The following UBQLN1 variants were observed in gnomAD, a reference collection of about 807,000 sequenced individuals.
UBQLN1 encodes the protein ubiquilin 1.
In UBQLN1, 13 loss-of-function variants were observed where a neutral mutation model predicts 65.4. The observed-to-expected ratio is 0.20, with a 90% CI of 0.13 to 0.32. The LOEUF (loss-of-function observed/expected upper bound fraction) is 0.32. UBQLN1 is among the 10% of genes least tolerant of loss of function. The pLI is 1.00. For missense variants in UBQLN1, 561 were observed against 724.0 expected (o/e 0.77, Z 2.58); for synonymous variants, 267 against 247.8 (o/e 1.08, Z -0.73).
At position 83,707,795 on chromosome 9, in the gene UBQLN1, C is replaced by A; in HGVS notation, c.-116G>T. The A allele has an allele frequency of 7.3e-7, 1 of 1,378,784 alleles. No individual in the cohort carries two copies. Among genetic ancestry groups the A allele is most frequent in the South Asian group, 1.5e-5 (1 of 65,902 alleles). The allele number at this position is 1,378,784 out of a possible 1,614,324, so 85.4% of individuals were successfully genotyped here. ...TGGACAGCGAAGAATGCAGAGCACG[C>A]CGCCTCAGTAGCAACGGGCGCAGGG... On this transcript the variant is annotated 5_prime_UTR_variant, in exon 1 of 11. Transcript: ENST00000376395.
Position 83,707,801 on chromosome 9 carries a change from C to T in UBQLN1, c.-122G>A. 1.5e-6 allele frequency: 2 copies of T among 1,357,464 alleles called. No individual in the cohort carries two copies. The highest frequency in any genetic ancestry group is 1.9e-6 in the Non-Finnish European group (2 of 1,045,302). 84.1% of individuals were successfully genotyped at this position (1,357,464 alleles called of 1,614,324 possible). ...GCGAAGAATGCAGAGCACGCCGCCT[C>T]AGTAGCAACGGGCGCAGGGCCACCG... is the stretch of plus-strand genomic sequence containing the variant. On this transcript the variant is annotated 5_prime_UTR_variant, in exon 1 of 11. Transcript: ENST00000376395.
At chr9:83,698,765 T>G (rs1463101570) in intron 1 of UBQLN1, among the ~76,000 whole-genome samples, 1 of 151,972 alleles carries the variant, frequency 6.6e-6, no homozygotes, top group Non-Finnish European at 1.5e-5. Flanking sequence ...AAATACAAAG[T>G]AGCCAAGCAT....
intron 6 of UBQLN1, among the ~76,000 whole-genome samples, chr9:83,672,515 G>C (rs545407120): frequency 2.0e-5 from 3 of 152,294 alleles, no homozygotes; most frequent in African/African-American, 7.2e-5. Context: ...GGAGACCCAA[G>C]AAGAGGAAGA....
chr9:83,666,639 C>G, intron 7 of UBQLN1: 1 of 460,990 alleles, frequency 2.2e-6, no homozygotes, highest in South Asian at 4.4e-5. Flanking sequence ...CATATTCTCT[C>G]TCAATGAGAA....
At chr9:83,692,409 T>G (rs1832143293) in intron 1 of UBQLN1, among the ~76,000 whole-genome samples, 5 of 152,212 alleles carry the variant, frequency 3.3e-5, no homozygotes. Flanking sequence ...TAATCTACAC[T>G]TTTATCATAC....
intron 7 of UBQLN1, 144 bp from the exon 8 acceptor site, chr9:83,666,577 A>G (rs1307826348): frequency 2.8e-6 from 2 of 702,560 alleles, no homozygotes; most frequent in Admixed American, 2.8e-5. Flanking sequence ...GGAAAAGGGA[A>G]GATACTGTCC....
chr9:83,703,620 T>TG (rs1380771169), intron 1 of UBQLN1, among the ~76,000 whole-genome samples: 6 of 152,194 alleles, frequency 3.9e-5, no homozygotes, highest in African/African-American at 1.2e-4. Context: ...TCTCTATTAA[T>TG]GACAGCACCT....
intron 1 of UBQLN1, among the ~76,000 whole-genome samples, chr9:83,688,509 A>T (rs1400328703): frequency 6.6e-6 from 1 of 152,152 alleles, no homozygotes; most frequent in Non-Finnish European, 1.5e-5. Context: ...TTAATTACTG[A>T]ACATACAGTT....
rs140299371 is a variant in UBQLN1 at position 83,671,598 on chromosome 9, G to A, written c.1106-2271C>T. On this transcript the variant is annotated intron_variant, in intron 6 of 10. Coordinates refer to ENST00000376395, the MANE Select transcript of UBQLN1 (RefSeq NM_013438.5). ...TGAAAGGAATCTTTTCCTTAGCAAC[G>A]TCTCACCAGTAGACTTAAAATATTA... Among the ~76,000 whole-genome samples, 26 of 152,206 alleles carry A rather than the reference G, an allele frequency of 1.7e-4. 1 individual carries two copies. The highest frequency in any genetic ancestry group is 1.2e-3 in the Admixed American group (18 of 15,296).
intron 6 of UBQLN1, among the ~76,000 whole-genome samples, chr9:83,672,755 G>A (rs900304282): frequency 6.6e-6 from 1 of 152,170 alleles, no homozygotes; most frequent in Non-Finnish European, 1.5e-5. Flanking sequence ...TTGGAAAAAT[G>A]GTACTAACAG....
At chr9:83,692,589 A>C (rs1832146429) in intron 1 of UBQLN1, among the ~76,000 whole-genome samples, 1 of 152,220 alleles carries the variant, frequency 6.6e-6, no homozygotes, top group African/African-American at 2.4e-5. Flanking sequence ...GCAGTGGCTC[A>C]CATCTGTAAT....
At chr9:83,680,068 T>A in intron 3 of UBQLN1, 31 bp from the exon 4 acceptor site, 1 of 1,564,966 alleles carries the variant, frequency 6.4e-7, no homozygotes, top group Non-Finnish European at 8.7e-7. Context: ...AACATACAAA[T>A]CAAAGTCAGA....
In UBQLN1 at chr9:83,660,585, A is replaced by G. The variant is rs1831547292; in HGVS notation, c.*1202T>C. ...CTGAATGATACTTCTTTACTACACT[A>G]TATGCACAGAAATCCTAACAGAATC... On this transcript the variant is annotated 3_prime_UTR_variant, in exon 11 of 11. Coordinates refer to ENST00000376395, the MANE Select transcript of UBQLN1 (RefSeq NM_013438.5). The G allele has an allele frequency of 6.6e-6, 1 of 152,282 alleles. No individual in the cohort carries two copies. Among genetic ancestry groups the G allele is most frequent in the South Asian group, 2.1e-4 (1 of 4,822 alleles). The allele number at this position is 152,282 out of a possible 1,614,324, so 9.4% of individuals were successfully genotyped here.
chr9:83,705,395 G>A (rs1160984784), intron 1 of UBQLN1, among the ~76,000 whole-genome samples: 2 of 152,134 alleles, frequency 1.3e-5, no homozygotes, highest in Non-Finnish European at 2.9e-5. Flanking sequence ...GATTACAGGT[G>A]CCTGCCACCA....
rs1413628778 is a variant in UBQLN1 at position 83,682,983 on chromosome 9, G to C, written c.416C>G (p.Ser139Cys). ...AAAAGGGTTGCTAGTAGCAGAACCA[G>C]ATGTAGAGTTACTATTAGGAGTTGA... ...TSSTPNSNST[S>C]GSATSNPFGL... is the part of the protein sequence containing the mutation. Residue 139 changes from serine to cysteine, a missense_variant, in exon 3 of 11, where the codon TCT becomes TGT. Ser to Cys is a moderately radical substitution (Grantham distance 112). Coordinates refer to ENST00000376395, the MANE Select transcript of UBQLN1 (RefSeq NM_013438.5). 6.2e-7 allele frequency: 1 copy of C among 1,612,452 alleles called. No individual in the cohort carries two copies.
intron 1 of UBQLN1, among the ~76,000 whole-genome samples, chr9:83,701,154 G>C (rs1832303600): frequency 6.6e-6 from 1 of 152,014 alleles, no homozygotes; most frequent in African/African-American, 2.4e-5. Context: ...TATAGCTGTT[G>C]ATATTTATAA....
chr9:83,700,705 CTG>C (rs890634040), intron 1 of UBQLN1, among the ~76,000 whole-genome samples: 2 of 152,104 alleles, frequency 1.3e-5, no homozygotes, highest in African/African-American at 4.8e-5. Flanking sequence ...CAAGAACAAA[CTG>C]TACAGAAGTC....
chr9:83,665,149 A>G lies in UBQLN1; in HGVS notation c.1333-4T>C, dbSNP rs1434309991. The G allele has an allele frequency of 1.9e-6, 3 of 1,589,396 alleles. No homozygotes were observed. Among genetic ancestry groups the G allele is most frequent in the Non-Finnish European group, 2.6e-6 (3 of 1,168,816 alleles). ...ATAGTGTATCAGGATTCTGCATCTA[A>G]GGAAGAAAGAAAACTAGTGGTTACA... On this transcript the variant is annotated splice_polypyrimidine_tract_variant and splice_region_variant and intron_variant, in intron 8 of 10. Coordinates refer to ENST00000376395, the MANE Select transcript of UBQLN1 (RefSeq NM_013438.5).
intron 1 of UBQLN1, among the ~76,000 whole-genome samples, chr9:83,687,927 T>C (rs894868314): frequency 1.3e-5 from 2 of 152,218 alleles, no homozygotes; most frequent in Non-Finnish European, 2.9e-5. Flanking sequence ...TTCCTTTATT[T>C]GAAATCCTAT....
Sources: allele counts gnomAD v4.1 joint callset (sites outside exome capture counted in the v4.1 genomes callset), GRCh38; gene constraint gnomAD v4.1.1; transcripts MANE v1.5; gene names NCBI Gene and HGNC (gene_info 2026-07-23, HGNC 2026-07-21).